The following ZNF433 variants were observed in gnomAD, a reference collection of about 807,000 sequenced individuals.
The protein encoded by ZNF433 is zinc finger protein 433.
In ZNF433, 12 loss-of-function variants were observed where a neutral mutation model predicts 10.6. The ratio of observed to expected loss-of-function variants is 1.13; its 90% CI spans 0.72 to 1.83. ZNF433 has a LOEUF of 1.83. ZNF433 is among the 40% of genes most tolerant of loss of function. ZNF433 has a pLI of 0.00. For missense variants in ZNF433, 737 were observed against 798.0 expected (o/e 0.92, Z 0.92); for synonymous variants, 272 against 271.3 (o/e 1.00, Z -0.02).
chr19:12,031,945 C>CTT (rs578040123), intron 1 of ZNF433, among the ~76,000 whole-genome samples: 1,216 of 107,536 alleles, frequency 0.011, 25 homozygotes, highest in African/African-American at 0.038. Flanking sequence ...TTCTCTTTTT[C>CTT]TTTTTTTTTT....
chr19:12,024,430 C>T (rs1012251450), intron 1 of ZNF433: 5 of 152,212 alleles, frequency 3.3e-5, no homozygotes, highest in South Asian at 4.1e-4. Flanking sequence ...TGCCATAAGG[C>T]GTGTTAAACA....
chr19:12,033,862 A>C (rs866601855), intron 1 of ZNF433, among the ~76,000 whole-genome samples: 27 of 152,280 alleles, frequency 1.8e-4, no homozygotes, highest in Middle Eastern at 3.4e-3. Flanking sequence ...TGATACTACA[A>C]ATTGAAGAAG....
chr19:12,031,068 T>C (rs1358647564), intron 1 of ZNF433, among the ~76,000 whole-genome samples: 5 of 150,320 alleles, frequency 3.3e-5, no homozygotes, highest in African/African-American at 2.4e-5. Context: ...GAGGCTGAGG[T>C]GGGCAGATCA....
At chr19:12,024,476 TTAAA>T (rs1486655542) in intron 1 of ZNF433, 1 of 152,178 alleles carries the variant, frequency 6.6e-6, no homozygotes, top group African/African-American at 2.4e-5. Context: ...ATTGAAAACA[TTAAA>T]TGACTTTCAA....
chr19:12,018,396 A>C, intron 1 of ZNF433, 104 bp from the exon 2 acceptor site: 1 of 1,359,860 alleles, frequency 7.4e-7, no homozygotes, highest in Non-Finnish European at 9.8e-7. Flanking sequence ...GACTCAAAAC[A>C]ATTATTCCAT....
Position 12,015,754 on chromosome 19 carries a change from A to C in ZNF433, c.1104T>G (p.Cys368Trp). The change falls in exon 4 of 4, where the codon TGT becomes TGG. Residue 368 changes from cysteine (C) to tryptophan (W), a missense_variant. By Grantham distance (215) the Cys-to-Trp change is radical. Transcript: ENST00000550507. The stretch of plus-strand genomic sequence containing the variant: ...AACTGGGAGAATAAAAGGCTTTCCC[A>C]CATATCTTACATTTATGAGATATCT... ...TGEISHKCKI[C>W]GKAFYSPSSL... is the part of the protein sequence containing the mutation. 6.2e-7 allele frequency: 1 copy of C among 1,613,786 alleles called. No individual in the cohort carries two copies. The highest frequency in any genetic ancestry group is 2.2e-5 in the East Asian group (1 of 44,872).
In ZNF433 at chr19:12,015,167, C is replaced by T. The variant is rs1261893070; in HGVS notation, c.1691G>A (p.Cys564Tyr). Residue 564 changes from cysteine (C) to tyrosine (Y), a missense_variant, in exon 4 of 4, where the codon TGT (cysteine) becomes TAT (tyrosine). Coordinates refer to ENST00000550507, the MANE Select transcript of ZNF433 (RefSeq NM_001308348.2). The part of the protein sequence containing the change: ...TGEKPYECKQ[C>Y]GKAFGSASHL... ...TGAGGCAGATCCAAAGGCTTTCCCA[C>T]ACTGCTTACATTCATAAGGTTTCTC... 7.4e-6 allele frequency: 12 copies of T among 1,613,944 alleles called. No individual in the cohort carries two copies. The highest frequency in any genetic ancestry group is 1.0e-5 in the Non-Finnish European group (12 of 1,179,936).
At chr19:12,016,753 C>T in intron 3 of ZNF433, 87 bp from the exon 4 acceptor site, 2 of 1,478,984 alleles carry the variant, frequency 1.4e-6, no homozygotes, top group Non-Finnish European at 1.8e-6. Flanking sequence ...CATTTTTTCT[C>T]TTTTTTTTGA....
chr19:12,018,137 A>G (rs745989205), intron 2 of ZNF433, 29 bp downstream of exon 2: 2 of 1,542,056 alleles, frequency 1.3e-6, no homozygotes, highest in Non-Finnish European at 8.7e-7. Context: ...TGTCTCATTT[A>G]CTGAAGGAAG....
rs1974156252 is a variant in ZNF433 at position 12,015,843 on chromosome 19, G to A, written c.1015C>T (p.His339Tyr). The change falls in exon 4 of 4, where the codon CAT (histidine) becomes TAT (tyrosine). Residue 339 changes from histidine to tyrosine, a missense_variant. His to Tyr is a moderately conservative substitution (Grantham distance 83). Transcript: ENST00000550507. ...HSRKKPYECK[H>Y]CGKVLSYLTS... is the part of the protein sequence containing the mutation. ...AGATAAGATAATACTTTCCCACAAT[G>A]TTTACATTCATAGGGTTTTTTCCTA... 1 of 1,613,890 alleles carries A rather than the reference G, an allele frequency of 6.2e-7. No homozygotes were observed. The highest frequency in any genetic ancestry group is 8.5e-7 in the Non-Finnish European group (1 of 1,180,004).
intron 1 of ZNF433, among the ~76,000 whole-genome samples, chr19:12,032,475 C>T (rs1389872087): frequency 6.7e-6 from 1 of 148,830 alleles, no homozygotes; most frequent in African/African-American, 2.6e-5. Flanking sequence ...GAATATAAGA[C>T]TAAATAGCGA....
At chr19:12,018,455 G>T (rs1006413159) in intron 1 of ZNF433, 163 bp from the exon 2 acceptor site, 3 of 731,128 alleles carry the variant, frequency 4.1e-6, no homozygotes, top group Admixed American at 7.8e-5. Context: ...CTTCCATAAA[G>T]TAATTCTGAG....
chr19:12,028,803 A>G (rs535346362), intron 1 of ZNF433, among the ~76,000 whole-genome samples: 1 of 152,298 alleles, frequency 6.6e-6, no homozygotes, highest in East Asian at 1.9e-4. Flanking sequence ...GGCTCAAGCT[A>G]TCCCTACCTT....
chr19:12,035,469 C>G, intron 1 of ZNF433, 68 bp downstream of exon 1: 1 of 1,549,514 alleles, frequency 6.5e-7, no homozygotes, highest in Non-Finnish European at 8.7e-7. Flanking sequence ...CGGGTCCCAC[C>G]ACAGCCGGTT....
intron 1 of ZNF433, chr19:12,030,254 C>T: frequency 4.8e-6 from 2 of 413,446 alleles, no homozygotes; most frequent in Admixed American, 5.8e-5. Context: ...GACGGAGTCT[C>T]ACCGTCACCA....
At chr19:12,019,052 TAAA>T (rs754859866) in intron 1 of ZNF433, among the ~76,000 whole-genome samples, 2 of 62,806 alleles carry the variant, frequency 3.2e-5, no homozygotes, top group African/African-American at 5.2e-5. Context: ...TCCATCTTAA[TAAA>T]AAAAAAAAAA....
intron 1 of ZNF433, among the ~76,000 whole-genome samples, chr19:12,020,845 T>C (rs1974453348): frequency 6.7e-6 from 1 of 149,826 alleles, no homozygotes; most frequent in Non-Finnish European, 1.5e-5. Context: ...CGGAGGTTGC[T>C]GTGAGCCGAC....
At chr19:12,023,590 T>C (rs1476610247) in intron 1 of ZNF433, 2 of 152,052 alleles carry the variant, frequency 1.3e-5, no homozygotes, top group Non-Finnish European at 2.9e-5. Context: ...ATTTAAAGGA[T>C]TGGTAGATAC....
intron 1 of ZNF433, among the ~76,000 whole-genome samples, chr19:12,030,683 G>A (rs928997450): frequency 1.3e-5 from 2 of 152,136 alleles, no homozygotes; most frequent in Admixed American, 1.3e-4. Context: ...GACCAATGGA[G>A]AGGGTCCATG....
Sources: allele counts gnomAD v4.1 joint callset (sites outside exome capture counted in the v4.1 genomes callset), GRCh38; gene constraint gnomAD v4.1.1; transcripts MANE v1.5; gene names NCBI Gene and HGNC (gene_info 2026-07-23, HGNC 2026-07-21).